JAKMIP3: variants seen among roughly 807,000 people sequenced by gnomAD.
The protein encoded by JAKMIP3 is Janus kinase and microtubule interacting protein 3.
A neutral mutation model predicts 118.5 loss-of-function variants in JAKMIP3; 58 were observed. That is an observed-to-expected ratio of 0.49 (90% CI 0.40 to 0.61). JAKMIP3 has a LOEUF of 0.61. Among genes scored for constraint, JAKMIP3 ranks in the 20% least tolerant of loss-of-function variants. JAKMIP3 has a pLI of 0.00. For missense variants in JAKMIP3, 950 were observed against 1,109.0 expected, an observed-to-expected ratio of 0.86 and a Z score of 2.04; for synonymous variants, 486 against 451.2, an observed-to-expected ratio of 1.08 and a Z score of -0.98.
At chr10:132,129,919 C>T (rs1459035432) in intron 3 of JAKMIP3, among the ~76,000 whole-genome samples, 3 of 149,286 alleles carry the variant, frequency 2.0e-5, no homozygotes, top group African/African-American at 5.0e-5. Context: ...TAGGTGATTC[C>T]AGCACGAGAC....
At chr10:132,078,090 G>C (rs1251454526) in intron 1 of JAKMIP3, among the ~76,000 whole-genome samples, 1 of 152,220 alleles carries the variant, frequency 6.6e-6, no homozygotes, top group African/African-American at 2.4e-5. Flanking sequence ...GGGATTACAG[G>C]TGTGAGCCAC....
At chr10:132,060,913 G>C (rs1198122859), upstream of JAKMIP3, among the ~76,000 whole-genome samples, 2 of 152,138 alleles carry the variant, frequency 1.3e-5, no homozygotes, top group Admixed American at 1.3e-4. Context: ...CCAGCTACTT[G>C]GGAGGATGAG....
chr10:132,088,335 C>G (rs1031516291), intron 1 of JAKMIP3, among the ~76,000 whole-genome samples: 46 of 152,276 alleles, frequency 3.0e-4, no homozygotes, highest in Admixed American at 9.2e-4. Context: ...CAGTGTAAAA[C>G]TGTTCCTATT....
chr10:132,111,356 C>CG (rs1483905818), intron 2 of JAKMIP3, among the ~76,000 whole-genome samples: 2 of 151,778 alleles, frequency 1.3e-5, no homozygotes, highest in East Asian at 3.9e-4. Context: ...GAGACCCCCC[C>CG]CATGAGCACA....
At chr10:132,143,906 C>T (rs574003084) in intron 11 of JAKMIP3, 1 of 152,394 alleles carries the variant, frequency 6.6e-6, no homozygotes, top group African/African-American at 2.4e-5. Flanking sequence ...ATTCTCCAAC[C>T]CAAGGGCTCA....
intron 23 of JAKMIP3, among the ~76,000 whole-genome samples, chr10:132,176,929 T>G (rs2060192891): frequency 6.6e-6 from 1 of 152,166 alleles, no homozygotes; most frequent in African/African-American, 2.4e-5. Context: ...ACCTCTTTTC[T>G]GGTTCCTATT....
At chr10:132,061,270 C>T (rs1020496670), upstream of JAKMIP3, among the ~76,000 whole-genome samples, 27 of 147,812 alleles carry the variant, frequency 1.8e-4, no homozygotes, top group Non-Finnish European at 9.1e-5. Flanking sequence ...CGTGATGGCG[C>T]GCACACACAC....
In JAKMIP3 at chr10:132,152,964, A is replaced by G; in HGVS notation, c.2014A>G (p.Thr672Ala). The G allele has an allele frequency of 6.2e-7, 1 of 1,605,814 alleles. No individual in the cohort carries two copies. The highest frequency in any genetic ancestry group is 8.5e-7 in the Non-Finnish European group (1 of 1,176,626). Reference protein sequence around the residue: ...ILGDNAVSNLTNEEQVVVIQA... With the variant: ...ILGDNAVSNLANEEQVVVIQA... ...GTTCTGCTTTTGGGTGCAGAACCTG[A>G]CCAATGAGGAGCAGGTGGTTGTCAT... Residue 672 changes from threonine to alanine, a missense_variant, in exon 17 of 24, where the codon ACC becomes GCC. Transcript: ENST00000684848.
At chr10:132,098,001 C>CTCCTTT (rs2044254432) in intron 1 of JAKMIP3, among the ~76,000 whole-genome samples, 1 of 24,270 alleles carries the variant, frequency 4.1e-5, no homozygotes, top group African/African-American at 1.1e-4. Context: ...CCTTCCCCTT[C>CTCCTTT]CCCTCCTTCC....
intron 20 of JAKMIP3, among the ~76,000 whole-genome samples, chr10:132,163,774 C>T (rs968880085): frequency 1.3e-4 from 20 of 152,342 alleles, no homozygotes; most frequent in African/African-American, 3.8e-4. Flanking sequence ...GGGCGTGTTG[C>T]GGAGGCCTCT....
upstream of JAKMIP3, among the ~76,000 whole-genome samples, chr10:132,060,826 C>T (rs1466360630): frequency 6.6e-6 from 1 of 152,106 alleles, no homozygotes; most frequent in Admixed American, 6.5e-5. Flanking sequence ...TTGAGACCAG[C>T]TCGGCCAACA....
At chr10:132,109,841 TGTG>T (rs1211560640) in intron 2 of JAKMIP3, among the ~76,000 whole-genome samples, 2 of 152,188 alleles carry the variant, frequency 1.3e-5, no homozygotes, top group Non-Finnish European at 2.9e-5. Flanking sequence ...TACCACAAAA[TGTG>T]GGGATCCTTG....
At position 132,080,503 on chromosome 10, in the gene JAKMIP3, A is replaced by ATTTTTTTTT. The variant is rs201838731; in HGVS notation, c.-138+14470_-138+14478dup. 1.8e-4 allele frequency among the ~76,000 whole-genome samples: 11 copies of ATTTTTTTTT among 61,580 alleles called. 1 individual carries two copies. Among genetic ancestry groups the ATTTTTTTTT allele is most frequent in the African/African-American group, 4.9e-4 (7 of 14,266 alleles). The allele number at this position is 61,580 out of a possible 152,430, so 40.4% of individuals were successfully genotyped here. On this transcript the variant is annotated intron_variant, in intron 1 of 23. Coordinates refer to ENST00000684848, the MANE Select transcript of JAKMIP3 (RefSeq NM_001323087.2). ...TATTTTCTTGCTGTCAAGTTATAGG[A>ATTTTTTTTT]TTTTTTTTTTTTTTTTTTTTTTTTT...
At chr10:132,088,550 G>T (rs1589782818) in intron 1 of JAKMIP3, among the ~76,000 whole-genome samples, 4 of 152,174 alleles carry the variant, frequency 2.6e-5, no homozygotes, top group African/African-American at 9.6e-5. Flanking sequence ...TTTGTGATGG[G>T]GTTGTTTGTT....
intron 19 of JAKMIP3, among the ~76,000 whole-genome samples, chr10:132,157,246 G>A (rs773590739): frequency 2.0e-5 from 3 of 152,072 alleles, no homozygotes; most frequent in Non-Finnish European, 2.9e-5. Flanking sequence ...ACATGTGTGC[G>A]CACGTGCATT....
chr10:132,105,948 T>C (rs186894685), intron 2 of JAKMIP3, among the ~76,000 whole-genome samples: 1 of 152,104 alleles, frequency 6.6e-6, no homozygotes, highest in Admixed American at 6.5e-5. Context: ...AACCTCTGAC[T>C]TATTGACCCT....
In JAKMIP3 at chr10:132,164,667, C is replaced by T. The variant is rs1185932481; in HGVS notation, c.2425-3C>T. 3 of 1,556,256 alleles carry T rather than the reference C, an allele frequency of 1.9e-6. No individual in the cohort carries two copies. The highest frequency in any genetic ancestry group is 1.7e-5 in the Admixed American group (1 of 59,510). Reference sequence around the variant, plus strand: ...GAAGATGTTCTTCCTTTTAATCTTGCAGAGAATTAAAGAGTTAGAAGAAAG... The same window carrying T: ...GAAGATGTTCTTCCTTTTAATCTTGTAGAGAATTAAAGAGTTAGAAGAAAG... On this transcript the variant is annotated splice_polypyrimidine_tract_variant and splice_region_variant and intron_variant, in intron 20 of 23. Coordinates refer to ENST00000684848, the MANE Select transcript of JAKMIP3 (RefSeq NM_001323087.2).
Position 132,140,534 on chromosome 10 carries a change from C to T in JAKMIP3, c.1428C>T (p.Asp476=). ...GCTCCTCCGTCTCTTACCAAACAGA[C>T]AGGACGGACCAGACCCCGTGCACCC... ...SDGSSVSYQT[D]RTDQTPCTPD... The change falls in exon 10 of 24, where the codon GAC becomes GAT. Residue 476 remains aspartate (D), a synonymous_variant. Transcript: ENST00000684848. 1 of 1,613,410 alleles carries T rather than the reference C, an allele frequency of 6.2e-7. No homozygotes were observed. The highest frequency in any genetic ancestry group is 1.7e-4 in the Middle Eastern group (1 of 6,052).
intron 1 of JAKMIP3, among the ~76,000 whole-genome samples, chr10:132,042,185 T>TTCCTTCCTTCCTTCCTTCCTC: frequency 7.5e-5 from 1 of 13,280 alleles, no homozygotes; most frequent in East Asian, 0.018. Context: ...GCTCGCTCGC[T>TTCCTTCCTTCCTTCCTTCCTC]CCTTCCTTCC....
Sources: gnomAD v4.1 joint callset for allele counts (sites outside exome capture counted in the v4.1 genomes callset) on GRCh38, gnomAD v4.1.1 for gene constraint, MANE v1.5 for transcripts, NCBI Gene and HGNC (gene_info 2026-07-23, HGNC 2026-07-21) for gene names.